ROBO2: variants seen among roughly 807,000 people sequenced by gnomAD.
The protein encoded by ROBO2 is roundabout homolog 2.
In ROBO2, 53 loss-of-function variants were observed where a neutral mutation model predicts 160.8. The observed-to-expected ratio is 0.33, with a 90% confidence interval of 0.26 to 0.41. The LOEUF is 0.41. Among genes scored for constraint, ROBO2 ranks in the 10% least tolerant of loss-of-function variants. The probability of loss-of-function intolerance (pLI) is 1.00; values close to 1 mark genes in which losing one functional copy is unlikely to be tolerated. For missense variants in ROBO2, 1,577 were observed against 1,722.4 expected (o/e 0.92, Z 1.49); for synonymous variants, 664 against 611.7 (o/e 1.09, Z -1.26).
At chr3:76,083,425 G>C (rs1174173287) in intron 2 of ROBO2, among the ~76,000 whole-genome samples, 1 of 152,072 alleles carries the variant, frequency 6.6e-6, no homozygotes, top group Non-Finnish European at 1.5e-5. Flanking sequence ...GGGAGTCTTT[G>C]AGATTGACCA....
chr3:77,177,728 T>C (rs1234107097), intron 2 of ROBO2, among the ~76,000 whole-genome samples: 2 of 151,912 alleles, frequency 1.3e-5, no homozygotes, highest in African/African-American at 4.8e-5. Context: ...AATATATAAG[T>C]AGAAAATTAA....
chr3:76,282,105 C>A (rs886804851), intron 2 of ROBO2, among the ~76,000 whole-genome samples: 7 of 151,960 alleles, frequency 4.6e-5, no homozygotes, highest in Admixed American at 3.9e-4. Context: ...ATTATAAAAT[C>A]TTCACAAGTG....
intron 2 of ROBO2, among the ~76,000 whole-genome samples, chr3:77,206,671 T>C (rs1050849923): frequency 3.3e-5 from 5 of 152,136 alleles, no homozygotes; most frequent in Non-Finnish European, 5.9e-5. Flanking sequence ...AAAATTTTTA[T>C]ATTATTTCTT....
At chr3:76,309,783 A>T (rs761096298) in intron 2 of ROBO2, among the ~76,000 whole-genome samples, 2 of 152,184 alleles carry the variant, frequency 1.3e-5, no homozygotes, top group South Asian at 2.1e-4. Flanking sequence ...GATCACGCCA[A>T]TTCACTTCAG....
At chr3:77,308,393 C>T (rs2063276687) in intron 2 of ROBO2, among the ~76,000 whole-genome samples, 1 of 151,810 alleles carries the variant, frequency 6.6e-6, no homozygotes, top group Admixed American at 6.6e-5. Context: ...GTCAGGTGTT[C>T]AGGGGAGCCT....
chr3:76,050,626 CTG>C (rs1217465835), intron 2 of ROBO2, among the ~76,000 whole-genome samples: 295 of 152,296 alleles, frequency 1.9e-3, no homozygotes, highest in African/African-American at 6.9e-3. Context: ...CTCGTGGCCA[CTG>C]CCTCTCTTAC....
At chr3:76,772,593 A>G (rs975673641) in intron 2 of ROBO2, among the ~76,000 whole-genome samples, 2 of 148,132 alleles carry the variant, frequency 1.4e-5, no homozygotes, top group African/African-American at 5.0e-5. Context: ...TTTTATTCAG[A>G]TTTATTTTAA....
rs2078103560 is a variant in ROBO2 at position 77,425,464 on chromosome 3, A to T, written c.389-51950A>T. ...GGGGTGATACATAAACTTAGAGCCA[A>T]GGTGAAAGATGAAGTCACCCATACT... On this transcript the variant is annotated intron_variant, in intron 2 of 25. Coordinates refer to ENST00000461745, the Ensembl canonical transcript of ROBO2. 4.6e-5 allele frequency among the ~76,000 whole-genome samples: 7 copies of T among 152,218 alleles called. No homozygotes were observed. The South Asian group carries it at 1.5e-3, about 32-fold the overall frequency.
At chr3:76,328,839 A>C (rs1205351648) in intron 2 of ROBO2, among the ~76,000 whole-genome samples, 1 of 151,422 alleles carries the variant, frequency 6.6e-6, no homozygotes, top group Non-Finnish European at 1.5e-5. Context: ...AGCCTGGGCG[A>C]CAGAGCGAGA....
intron 2 of ROBO2, among the ~76,000 whole-genome samples, chr3:77,409,967 A>G (rs188541950): frequency 5.3e-5 from 8 of 152,276 alleles, no homozygotes; most frequent in African/African-American, 7.2e-5. Flanking sequence ...ATACAAGTAA[A>G]ACAGAAACTA....
intron 2 of ROBO2, among the ~76,000 whole-genome samples, chr3:76,969,071 A>C (rs1260248985): frequency 6.6e-6 from 1 of 152,168 alleles, no homozygotes; most frequent in Admixed American, 6.6e-5. Flanking sequence ...AAAGACTTGG[A>C]GTAAGTGAAA....
chr3:77,100,824 T>A (rs1322486099), intron 2 of ROBO2, among the ~76,000 whole-genome samples: 2 of 152,208 alleles, frequency 1.3e-5, no homozygotes, highest in African/African-American at 4.8e-5. Context: ...GACATTTAAT[T>A]CTTCCTAGAT....
At chr3:77,506,989 A>G (rs1027825203) in intron 5 of ROBO2, among the ~76,000 whole-genome samples, 3 of 152,100 alleles carry the variant, frequency 2.0e-5, no homozygotes, top group African/African-American at 7.2e-5. Context: ...ATGAATGTAT[A>G]TTTTTGCACC....
At chr3:76,655,884 A>T (rs973722338) in intron 2 of ROBO2, among the ~76,000 whole-genome samples, 4 of 152,012 alleles carry the variant, frequency 2.6e-5, no homozygotes, top group African/African-American at 9.7e-5. Context: ...AAATAAAAAT[A>T]CATTTTTATT....
chr3:76,671,681 C>T (rs1474019953), intron 2 of ROBO2, among the ~76,000 whole-genome samples: 1 of 151,914 alleles, frequency 6.6e-6, no homozygotes, highest in African/African-American at 2.4e-5. Context: ...AATATTAAAA[C>T]ATAAGTATAT....
chr3:77,321,995 T>C (rs920244436), intron 2 of ROBO2, among the ~76,000 whole-genome samples: 2 of 152,132 alleles, frequency 1.3e-5, no homozygotes, highest in African/African-American at 2.4e-5. Flanking sequence ...AATCAGGAGA[T>C]AACAGGGCTT....
chr3:76,593,608 G>C (rs2086557685), intron 2 of ROBO2, among the ~76,000 whole-genome samples: 1 of 151,978 alleles, frequency 6.6e-6, no homozygotes, highest in Non-Finnish European at 1.5e-5. Flanking sequence ...TTTCCATCAT[G>C]ATTTTTCAGA....
At chr3:77,158,351 G>A (rs1461432242) in intron 2 of ROBO2, among the ~76,000 whole-genome samples, 11 of 152,184 alleles carry the variant, frequency 7.2e-5, no homozygotes, top group Admixed American at 4.6e-4. Context: ...TTACATGGCT[G>A]TGATTTAGAG....
At chr3:77,217,458 A>T (rs753806511) in intron 2 of ROBO2, among the ~76,000 whole-genome samples, 2 of 152,088 alleles carry the variant, frequency 1.3e-5, no homozygotes, top group East Asian at 3.9e-4. Context: ...TTCTACTGTC[A>T]ACTTGAAAAT....
Sources: allele counts gnomAD v4.1 joint callset (sites outside exome capture counted in the v4.1 genomes callset), GRCh38; gene constraint gnomAD v4.1.1; transcripts MANE v1.5; gene names NCBI Gene and HGNC (gene_info 2026-07-23, HGNC 2026-07-21).